SLC38A8: variants seen among roughly 807,000 people sequenced by gnomAD.
SLC38A8 encodes the protein solute carrier family 38 member 8, also known as amino acid transporter SLC38A8.
Under a neutral mutation model 46.0 loss-of-function variants are expected in SLC38A8, and 65 were observed. The observed-to-expected ratio is 1.41, with a 90% CI of 1.16 to 1.74. The LOEUF is 1.74. Among genes scored for constraint, SLC38A8 ranks in the 40% most tolerant of loss-of-function variants. The pLI is 0.00. For synonymous variants in SLC38A8, 447 were observed against 243.7 expected, an observed-to-expected ratio of 1.83 and a Z score of -7.77; for missense variants, 998 against 567.9, an observed-to-expected ratio of 1.76 and a Z score of -7.70.
chr16:84,029,489 A>AT lies in SLC38A8; in HGVS notation c.690+4dup. The AT allele has an allele frequency of 6.2e-7, 1 of 1,614,014 alleles. No homozygotes were observed. The highest frequency in any genetic ancestry group is 8.5e-7 in the Non-Finnish European group (1 of 1,179,948). On this transcript the variant is annotated splice_donor_region_variant and intron_variant, in intron 6 of 10. Coordinates refer to ENST00000299709, the MANE Select transcript of SLC38A8 (RefSeq NM_001080442.3). ...CACAGGCTGCAACACAGATGCTAAA[A>AT]TTACCTGAAACCCGAAGCAGATGGT...
intron 3 of SLC38A8, among the ~76,000 whole-genome samples, chr16:84,035,759 A>C (rs748676435): frequency 3.9e-5 from 6 of 152,262 alleles, no homozygotes; most frequent in Non-Finnish European, 5.9e-5. Context: ...CTTCATAATA[A>C]AAGGATATAC....
chr16:84,039,460 G>C (rs111718919), intron 2 of SLC38A8, among the ~76,000 whole-genome samples: 8,679 of 152,154 alleles, frequency 0.057, 367 homozygotes, highest in Non-Finnish European at 0.088. Flanking sequence ...TGAAAGGCAG[G>C]GGGGCCGGGT....
chr16:84,030,159 A>G (rs562593286), intron 5 of SLC38A8, among the ~76,000 whole-genome samples: 6 of 152,274 alleles, frequency 3.9e-5, no homozygotes, highest in African/African-American at 1.4e-4. Flanking sequence ...GTGAGGATGA[A>G]GGCCAAGACC....
intron 3 of SLC38A8, among the ~76,000 whole-genome samples, chr16:84,035,751 T>G (rs879294997): frequency 6.6e-6 from 1 of 152,196 alleles, no homozygotes; most frequent in African/African-American, 2.4e-5. Flanking sequence ...AAAGAATACT[T>G]CATAATAAAA....
At position 84,031,105 on chromosome 16, in the gene SLC38A8, A is replaced by G. The variant is rs143957446; in HGVS notation, c.632+762T>C. 5.2e-3 allele frequency among the ~76,000 whole-genome samples: 796 copies of G among 152,172 alleles called. 4 individuals are homozygous for G. The highest frequency in any genetic ancestry group is 5.7e-3 in the Non-Finnish European group (389 of 67,990). ...GCCCAGGCTGGAGTGCAGTGGTATC[A>G]TCTCGGCTCACTGCAACCTCTGCCA... On this transcript the variant is annotated intron_variant, in intron 5 of 10. Coordinates refer to ENST00000299709, the MANE Select transcript of SLC38A8 (RefSeq NM_001080442.3).
intron 4 of SLC38A8, among the ~76,000 whole-genome samples, chr16:84,032,751 G>A (rs1243743299): frequency 6.6e-6 from 1 of 152,244 alleles, no homozygotes; most frequent in African/African-American, 2.4e-5. Flanking sequence ...ACAGGGAAAA[G>A]GCAGGCAGCA....
At chr16:84,020,056 C>T (rs1198989258) in intron 7 of SLC38A8, among the ~76,000 whole-genome samples, 5 of 152,194 alleles carry the variant, frequency 3.3e-5, no homozygotes, top group Non-Finnish European at 7.3e-5. Context: ...GTCCCAGTGG[C>T]AGTCCCACTC....
At chr16:84,024,351 T>G (rs1413549752) in intron 6 of SLC38A8, among the ~76,000 whole-genome samples, 1 of 151,880 alleles carries the variant, frequency 6.6e-6, no homozygotes, top group Non-Finnish European at 1.5e-5. Context: ...GGGTAAGCAT[T>G]TTTTTTTGGT....
chr16:84,021,666 G>A (rs1042644105), intron 7 of SLC38A8, among the ~76,000 whole-genome samples: 1 of 152,328 alleles, frequency 6.6e-6, no homozygotes, highest in East Asian at 1.9e-4. Flanking sequence ...CAGCTCCAAA[G>A]CCGCTTCCAC....
intron 7 of SLC38A8, 41 bp downstream of exon 7, chr16:84,022,734 C>T: frequency 1.3e-6 from 2 of 1,518,522 alleles, no homozygotes; most frequent in Non-Finnish European, 9.1e-7. Context: ...TTTCTACTGT[C>T]ACTCCCCACC....
At chr16:84,028,288 A>G (rs1316321908) in intron 6 of SLC38A8, among the ~76,000 whole-genome samples, 5 of 152,118 alleles carry the variant, frequency 3.3e-5, no homozygotes, top group Non-Finnish European at 5.9e-5. Flanking sequence ...CTTCCCGAAA[A>G]TAAGCAGCGT....
chr16:84,035,284 T>C (rs754171409), intron 3 of SLC38A8, among the ~76,000 whole-genome samples: 1 of 152,332 alleles, frequency 6.6e-6, no homozygotes, highest in South Asian at 2.1e-4. Flanking sequence ...GAGGTTCAGA[T>C]ACGCCAATCT....
At chr16:84,013,433 T>TTTGG (rs1436489816) in intron 9 of SLC38A8, among the ~76,000 whole-genome samples, 1 of 128,468 alleles carries the variant, frequency 7.8e-6, no homozygotes, top group Non-Finnish European at 1.6e-5. Flanking sequence ...TGTTTTTTTT[T>TTTGG]TTTTTTTTTT....
intron 6 of SLC38A8, 58 bp from the exon 7 acceptor site, chr16:84,022,947 A>T: frequency 1.6e-6 from 2 of 1,276,382 alleles, no homozygotes; most frequent in Non-Finnish European, 2.1e-6. Context: ...AGGCGATGCG[A>T]AAAAAAACTC....
intron 6 of SLC38A8, among the ~76,000 whole-genome samples, chr16:84,025,314 A>G (rs114433827): frequency 0.018 from 2,798 of 152,138 alleles, 83 homozygotes; most frequent in African/African-American, 0.064. Flanking sequence ...GGAAGCTCAG[A>G]TCAGCTAGGT....
At position 84,022,808 on chromosome 16, in the gene SLC38A8, A is replaced by G. The variant is rs755606193; in HGVS notation, c.772T>C (p.Leu258=). 8.7e-6 allele frequency: 14 copies of G among 1,613,986 alleles called. No individual in the cohort carries two copies. The highest frequency in any genetic ancestry group is 1.7e-5 in the Admixed American group (1 of 59,990). ...SHWALVSVLS[L]LACCLIYSLT... is the part of the protein sequence containing the mutation. ...GAATAGATGAGGCAGCAGGCCAGCAAGGACAGCACAGACACCAGGGCCCAG... is the reference window on the plus strand; with the variant it reads ...GAATAGATGAGGCAGCAGGCCAGCAGGGACAGCACAGACACCAGGGCCCAG... Residue 258 remains leucine (L), a synonymous_variant, in exon 7 of 11, where the codon TTG becomes CTG. Coordinates refer to ENST00000299709, the MANE Select transcript of SLC38A8 (RefSeq NM_001080442.3).
rs558523724 is a variant in SLC38A8, at chr16:84,018,396, T to C, written c.806-1109A>G. On this transcript the variant is annotated intron_variant, in intron 7 of 10. Transcript: ENST00000299709. ...TACAGACGCCCGCCACATTTTTGAA[T>C]TTTTAGTAAAGACAGGGTTTCACCG... is the stretch of plus-strand genomic sequence containing the variant. 5.9e-5 allele frequency among the ~76,000 whole-genome samples: 9 copies of C among 152,134 alleles called. No individual in the cohort carries two copies. The South Asian group carries it at 1.9e-3, about 32-fold the overall frequency.
intron 2 of SLC38A8, among the ~76,000 whole-genome samples, chr16:84,038,557 T>C (rs2085329195): frequency 6.6e-6 from 1 of 152,236 alleles, no homozygotes; most frequent in African/African-American, 2.4e-5. Flanking sequence ...AGCTTGATGT[T>C]TGTTCATTCA....
intron 7 of SLC38A8, 64 bp from the exon 8 acceptor site, chr16:84,017,351 A>G (rs536634275): frequency 6.9e-6 from 11 of 1,583,626 alleles, no homozygotes; most frequent in Admixed American, 1.8e-5. Context: ...CTCCCCCACC[A>G]ACAGACAGAC....
Sources: allele counts gnomAD v4.1 joint callset (sites outside exome capture counted in the v4.1 genomes callset), GRCh38; gene constraint gnomAD v4.1.1; transcripts MANE v1.5; gene names NCBI Gene and HGNC (gene_info 2026-07-23, HGNC 2026-07-21).